DPP10: variants seen among roughly 807,000 people sequenced by gnomAD.
The protein encoded by DPP10 is inactive dipeptidyl peptidase 10.
In DPP10, 33 loss-of-function variants were observed where a neutral mutation model predicts 120.9. The ratio of observed to expected loss-of-function variants is 0.27; its 90% confidence interval spans 0.21 to 0.37. The LOEUF is 0.37. DPP10 is among the 10% of genes least tolerant of loss of function. The pLI, the probability that DPP10 is intolerant of heterozygous loss-of-function variation, is 1.00. For missense variants in DPP10, 816 were observed against 942.8 expected, an observed-to-expected ratio of 0.87 and a Z score of 1.76; for synonymous variants, 337 against 326.1, an observed-to-expected ratio of 1.03 and a Z score of -0.36.
At position 114,634,174 on chromosome 2, in the gene DPP10, C is replaced by T. The variant is rs192255165; in HGVS notation, c.60+191336C>T. Among the ~76,000 whole-genome samples the T allele has an allele frequency of 2.0e-3, 304 of 151,910 alleles. 2 individuals are homozygous for T. The highest frequency in any genetic ancestry group is 2.9e-3 in the Non-Finnish European group (197 of 68,008). ...TGGTAAACCAAATGAATTGATAAAA[C>T]CATGCAGATTTTGGCACTTCTGCCT... On this transcript the variant is annotated intron_variant, in intron 1 of 25. Transcript: ENST00000410059.
chr2:115,623,092 G>A (rs566548804), intron 5 of DPP10, among the ~76,000 whole-genome samples: 17 of 151,896 alleles, frequency 1.1e-4, no homozygotes, highest in Non-Finnish European at 2.4e-4. Flanking sequence ...TGATCCGCCC[G>A]CCTCGGCCTC....
At chr2:115,155,929 C>T (rs1298410296) in intron 1 of DPP10, among the ~76,000 whole-genome samples, 2 of 152,156 alleles carry the variant, frequency 1.3e-5, no homozygotes, top group Non-Finnish European at 2.9e-5. Flanking sequence ...GTCTCTTCCT[C>T]TTCTTTCTCT....
chr2:114,637,878 G>T (rs755980908), intron 1 of DPP10, among the ~76,000 whole-genome samples: 1 of 151,766 alleles, frequency 6.6e-6, no homozygotes, highest in Non-Finnish European at 1.5e-5. Flanking sequence ...TGCTGTTTTG[G>T]TTACTGTAGC....
intron 5 of DPP10, among the ~76,000 whole-genome samples, chr2:115,577,304 G>T (rs765569646): frequency 4.6e-5 from 7 of 152,138 alleles, no homozygotes; most frequent in Non-Finnish European, 1.0e-4. Context: ...AAATGAGTGT[G>T]ATCCTCTTAG....
chr2:115,418,795 A>G (rs1294021632), intron 3 of DPP10, among the ~76,000 whole-genome samples: 1 of 152,060 alleles, frequency 6.6e-6, no homozygotes, highest in African/African-American at 2.4e-5. Context: ...AAAATAATTA[A>G]TTAATTAATT....
intron 1 of DPP10, among the ~76,000 whole-genome samples, chr2:115,194,715 C>A (rs1408285124): frequency 2.0e-5 from 3 of 152,070 alleles, no homozygotes; most frequent in Non-Finnish European, 4.4e-5. Flanking sequence ...CTGACTAATT[C>A]TAAAATTTTT....
At chr2:115,064,294 C>T (rs1706661933) in intron 1 of DPP10, among the ~76,000 whole-genome samples, 1 of 152,108 alleles carries the variant, frequency 6.6e-6, no homozygotes, top group Non-Finnish European at 1.5e-5. Context: ...TGCTTCTGCT[C>T]CATTAGAGTG....
chr2:114,901,935 A>G (rs1164094520), intron 1 of DPP10, among the ~76,000 whole-genome samples: 1 of 152,220 alleles, frequency 6.6e-6, no homozygotes, highest in Admixed American at 6.5e-5. Flanking sequence ...TCAAGAGCAA[A>G]GATTATGGCA....
chr2:115,120,036 A>G (rs1456823119), intron 1 of DPP10, among the ~76,000 whole-genome samples: 1 of 152,352 alleles, frequency 6.6e-6, no homozygotes, highest in East Asian at 1.9e-4. Flanking sequence ...ATCTGAGTCT[A>G]AACAGATTTC....
At chr2:115,349,952 T>A (rs1285721382) in intron 3 of DPP10, among the ~76,000 whole-genome samples, 2 of 152,092 alleles carry the variant, frequency 1.3e-5, no homozygotes, top group African/African-American at 4.8e-5. Context: ...TGTATCTTCG[T>A]GACCAAAGTG....
chr2:115,576,844 G>A (rs565964445), intron 5 of DPP10, among the ~76,000 whole-genome samples: 4 of 152,312 alleles, frequency 2.6e-5, no homozygotes, highest in Non-Finnish European at 5.9e-5. Context: ...TTCTGAAAAT[G>A]AGACAATACA....
At chr2:115,160,922 G>A (rs2052265344) in intron 1 of DPP10, among the ~76,000 whole-genome samples, 1 of 152,114 alleles carries the variant, frequency 6.6e-6, no homozygotes, top group Non-Finnish European at 1.5e-5. Context: ...AGTGTGTTTG[G>A]CACGTGGTAG....
intron 3 of DPP10, among the ~76,000 whole-genome samples, chr2:115,344,135 C>CAAAAAAAAA (rs751004918): frequency 2.0e-5 from 1 of 49,278 alleles, no homozygotes; most frequent in Non-Finnish European, 4.3e-5. Flanking sequence ...GACTCCATCT[C>CAAAAAAAAA]AAAAAAAAAA....
At chr2:114,785,585 G>A (rs1210933639) in intron 1 of DPP10, among the ~76,000 whole-genome samples, 8 of 152,038 alleles carry the variant, frequency 5.3e-5, no homozygotes, top group Non-Finnish European at 8.8e-5. Context: ...TAAAACACAG[G>A]CCTCAAATGA....
rs147910501 is a variant in DPP10, at chr2:115,809,090, G to A, written c.1701-5703G>A. Reference sequence around the variant, plus strand: ...GTGGACAAGAAACAGTTCTCTGGTAGGAAAAAAATAATGTAATTCCTTACA... The same window carrying A: ...GTGGACAAGAAACAGTTCTCTGGTAAGAAAAAAATAATGTAATTCCTTACA... On this transcript the variant is annotated intron_variant, in intron 19 of 25. Transcript: ENST00000410059. Among the ~76,000 whole-genome samples the A allele has an allele frequency of 5.3e-3, 811 of 152,206 alleles. 11 individuals carry two copies. Among genetic ancestry groups the A allele is most frequent in the African/African-American group, 0.019 (781 of 41,524 alleles).
At chr2:115,161,585 G>C (rs1193811161) in intron 1 of DPP10, 1 of 168,228 alleles carries the variant, frequency 5.9e-6, no homozygotes, top group East Asian at 1.6e-4. Context: ...CGGGCGGTGG[G>C]GGGCGCGGAC....
chr2:115,427,768 G>C (rs1281997604), intron 3 of DPP10, among the ~76,000 whole-genome samples: 1 of 152,180 alleles, frequency 6.6e-6, no homozygotes. Flanking sequence ...AATGATTGCT[G>C]CACAACCTAC....
At chr2:115,305,427 C>G (rs377451459) in intron 1 of DPP10, among the ~76,000 whole-genome samples, 1 of 151,962 alleles carries the variant, frequency 6.6e-6, no homozygotes, top group Non-Finnish European at 1.5e-5. Flanking sequence ...TGTTAACTGA[C>G]GTAAGGAATC....
At chr2:115,338,740 A>C (rs1362411670) in intron 2 of DPP10, among the ~76,000 whole-genome samples, 3 of 152,208 alleles carry the variant, frequency 2.0e-5, no homozygotes, top group African/African-American at 7.2e-5. Context: ...AAAATAAACC[A>C]GCAGACAAAC....
Sources: gnomAD v4.1 joint callset for allele counts (sites outside exome capture counted in the v4.1 genomes callset) on GRCh38, gnomAD v4.1.1 for gene constraint, MANE v1.5 for transcripts, NCBI Gene and HGNC (gene_info 2026-07-23, HGNC 2026-07-21) for gene names.